The following NKAIN2 variants were observed in gnomAD, a reference collection of about 807,000 sequenced individuals.
NKAIN2 encodes sodium/potassium-transporting ATPase subunit beta-1-interacting protein 2.
A neutral mutation model predicts 32.6 loss-of-function variants in NKAIN2; 14 were observed. That is an observed-to-expected ratio of 0.43 (90% CI 0.28 to 0.67). The LOEUF (loss-of-function observed/expected upper bound fraction) is 0.67, where lower values mean the gene tolerates loss of function less well. Ranked by LOEUF, NKAIN2 falls within the 30% of genes least tolerant of loss-of-function variation. The probability of loss-of-function intolerance (pLI) is 0.17; values close to 1 mark genes in which losing one functional copy is unlikely to be tolerated. For missense variants in NKAIN2, 198 were observed against 258.3 expected (o/e 0.77, Z 1.60); for synonymous variants, 80 against 87.2 (o/e 0.92, Z 0.46).
intron 3 of NKAIN2, among the ~76,000 whole-genome samples, chr6:124,483,770 A>T (rs566590142): frequency 6.6e-6 from 1 of 152,124 alleles, no homozygotes; most frequent in African/African-American, 2.4e-5. Context: ...AAATTGTGCA[A>T]TTAACTGTAT....
intron 1 of NKAIN2, among the ~76,000 whole-genome samples, chr6:124,192,126 G>A (rs1165620305): frequency 1.3e-5 from 2 of 151,292 alleles, no homozygotes; most frequent in African/African-American, 4.9e-5. Context: ...ATTTCTTTTT[G>A]CCTACTCACT....
chr6:124,230,721 C>T lies in NKAIN2; in HGVS notation c.55-52284C>T, dbSNP rs115286252. 8.3e-3 allele frequency among the ~76,000 whole-genome samples: 1,268 copies of T among 152,188 alleles called. 13 individuals carry two copies. Among genetic ancestry groups the T allele is most frequent in the African/African-American group, 0.027 (1,125 of 41,530 alleles). Reference sequence around the variant, plus strand: ...CCTCAGAAGCTTCATGCGGGTGCACCGAAGTTAAGAATTGGAGTTTGGGAA... The same window carrying T: ...CCTCAGAAGCTTCATGCGGGTGCACTGAAGTTAAGAATTGGAGTTTGGGAA... On this transcript the variant is annotated intron_variant, in intron 1 of 6. Transcript: ENST00000368417.
At chr6:124,559,230 T>C (rs1057436364) in intron 3 of NKAIN2, among the ~76,000 whole-genome samples, 3 of 152,216 alleles carry the variant, frequency 2.0e-5, no homozygotes, top group Non-Finnish European at 4.4e-5. Context: ...GTTTATTCTC[T>C]GCCTTCATGG....
chr6:124,210,659 T>C (rs1332028719), intron 1 of NKAIN2, among the ~76,000 whole-genome samples: 1 of 151,852 alleles, frequency 6.6e-6, no homozygotes, highest in African/African-American at 2.4e-5. Context: ...GTTAAGTTTA[T>C]TTCTAGGTAA....
At chr6:124,039,387 G>A (rs935093498) in intron 1 of NKAIN2, among the ~76,000 whole-genome samples, 13 of 151,356 alleles carry the variant, frequency 8.6e-5, no homozygotes, top group African/African-American at 7.3e-5. Flanking sequence ...CTGCAAATGC[G>A]TTATATATAT....
At position 124,197,974 on chromosome 6, in the gene NKAIN2, G is replaced by A. The variant is rs73562491; in HGVS notation, c.55-85031G>A. ...AGATATTTACATCTGAGAAGGGCCA[G>A]CTTTCGAAATCTGCCAGGTTACTAG... On this transcript the variant is annotated intron_variant, in intron 1 of 6. Coordinates refer to ENST00000368417, the MANE Select transcript of NKAIN2 (RefSeq NM_001040214.3). 1.9e-3 allele frequency among the ~76,000 whole-genome samples: 283 copies of A among 151,770 alleles called. 3 individuals are homozygous for A. Among genetic ancestry groups the A allele is most frequent in the African/African-American group, 6.6e-3 (274 of 41,392 alleles).
At chr6:124,251,239 G>T (rs979260161) in intron 1 of NKAIN2, among the ~76,000 whole-genome samples, 3 of 151,924 alleles carry the variant, frequency 2.0e-5, no homozygotes, top group African/African-American at 7.2e-5. Flanking sequence ...TTTTTTAAAA[G>T]CCAGCCATGT....
At chr6:124,361,843 T>C (rs1562514364) in intron 3 of NKAIN2, among the ~76,000 whole-genome samples, 1 of 152,110 alleles carries the variant, frequency 6.6e-6, no homozygotes, top group African/African-American at 2.4e-5. Flanking sequence ...TGTGGAATAA[T>C]GTACTGTTCC....
intron 4 of NKAIN2, among the ~76,000 whole-genome samples, chr6:124,743,432 CATT>C (rs1049518166): frequency 8.0e-6 from 1 of 124,936 alleles, no homozygotes; most frequent in Non-Finnish European, 1.9e-5. Context: ...ATAAATCGAT[CATT>C]ATTAACATTT....
chr6:124,555,809 C>T (rs2114878419), intron 3 of NKAIN2, among the ~76,000 whole-genome samples: 1 of 152,276 alleles, frequency 6.6e-6, no homozygotes, highest in Middle Eastern at 3.4e-3. Context: ...GACAAATATG[C>T]TCTTACTAGG....
intron 4 of NKAIN2, among the ~76,000 whole-genome samples, chr6:124,701,151 ACG>A (rs112592389): frequency 2.6e-5 from 3 of 115,734 alleles, no homozygotes; most frequent in African/African-American, 6.9e-5. Flanking sequence ...ACACACACAC[ACG>A]CACACACACA....
chr6:124,105,809 G>A (rs1020923157), intron 1 of NKAIN2, among the ~76,000 whole-genome samples: 3 of 152,064 alleles, frequency 2.0e-5, no homozygotes, highest in African/African-American at 7.2e-5. Context: ...GAATTCATAA[G>A]GACAGAAAAA....
intron 1 of NKAIN2, among the ~76,000 whole-genome samples, chr6:124,096,892 G>T (rs922243645): frequency 2.7e-5 from 4 of 150,444 alleles, no homozygotes. Context: ...TCTGTTATGT[G>T]TTTTCTTCAT....
intron 2 of NKAIN2, among the ~76,000 whole-genome samples, chr6:124,320,796 T>C (rs921107858): frequency 1.3e-5 from 2 of 152,206 alleles, no homozygotes; most frequent in African/African-American, 4.8e-5. Flanking sequence ...TTGTTAGAAG[T>C]GTTGAACTTG....
intron 3 of NKAIN2, among the ~76,000 whole-genome samples, chr6:124,490,058 GTTAATA>G (rs1428719881): frequency 1.3e-5 from 2 of 151,802 alleles, no homozygotes; most frequent in Non-Finnish European, 2.9e-5. Flanking sequence ...ACTTTTATCA[GTTAATA>G]TTAATATATA....
intron 3 of NKAIN2, among the ~76,000 whole-genome samples, chr6:124,358,439 T>A (rs1799098645): frequency 6.6e-6 from 1 of 152,086 alleles, no homozygotes; most frequent in Non-Finnish European, 1.5e-5. Context: ...CAGCACCTGT[T>A]GTTTCCTGAC....
intron 1 of NKAIN2, among the ~76,000 whole-genome samples, chr6:123,813,902 C>T (rs1259796139): frequency 6.6e-6 from 1 of 150,520 alleles, no homozygotes; most frequent in Admixed American, 6.6e-5. Flanking sequence ...AACTTGCTCA[C>T]AACTTTAGTG....
chr6:123,994,250 G>A (rs910322862), intron 1 of NKAIN2, among the ~76,000 whole-genome samples: 44 of 149,940 alleles, frequency 2.9e-4, no homozygotes, highest in African/African-American at 1.1e-3. Context: ...AACCTGCTAC[G>A]CTTACTCTGG....
chr6:124,794,569 T>C (rs78847169), intron 5 of NKAIN2, among the ~76,000 whole-genome samples: 5 of 152,206 alleles, frequency 3.3e-5, no homozygotes, highest in African/African-American at 9.6e-5. Context: ...CGTTTTATCA[T>C]GTTAGTCTTA....
Sources: allele counts gnomAD v4.1 joint callset (sites outside exome capture counted in the v4.1 genomes callset), GRCh38; gene constraint gnomAD v4.1.1; transcripts MANE v1.5; gene names NCBI Gene and HGNC (gene_info 2026-07-23, HGNC 2026-07-21).